EYS: variants seen among roughly 807,000 people sequenced by gnomAD.
EYS encodes the protein EGF-like photoreceptor maintenance factor.
In EYS, 250 loss-of-function variants were observed where a neutral mutation model predicts 282.1. The observed-to-expected ratio is 0.89, with a 90% confidence interval of 0.80 to 0.98. The LOEUF (loss-of-function observed/expected upper bound fraction) is 0.98. EYS is among the 50% of genes least tolerant of loss of function. The pLI is 0.00. For missense variants in EYS, 4,016 were observed against 3,709.0 expected (o/e 1.08, Z -2.15); for synonymous variants, 1,355 against 1,282.9 (o/e 1.06, Z -1.20).
chr6:64,441,302 T>C (rs752258809), intron 26 of EYS, among the ~76,000 whole-genome samples: 11 of 152,176 alleles, frequency 7.2e-5, no homozygotes, highest in Non-Finnish European at 1.3e-4. Context: ...TACACAACTC[T>C]GAATGAAAAA....
chr6:64,070,628 C>T (rs1205666616), intron 32 of EYS, among the ~76,000 whole-genome samples: 2 of 151,924 alleles, frequency 1.3e-5, no homozygotes, highest in African/African-American at 4.8e-5. Context: ...GTTAAACTGG[C>T]AACTTGTCTC....
At chr6:64,504,355 T>C (rs1777146474) in intron 26 of EYS, among the ~76,000 whole-genome samples, 1 of 152,228 alleles carries the variant, frequency 6.6e-6, no homozygotes, top group Admixed American at 6.5e-5. Context: ...ATGACACTTC[T>C]GTTATGATGA....
intron 10 of EYS, among the ~76,000 whole-genome samples, chr6:65,342,429 T>A (rs1453296279): frequency 2.0e-5 from 3 of 150,998 alleles, no homozygotes; most frequent in Non-Finnish European, 4.5e-5. Flanking sequence ...TCATAAGAAC[T>A]TAAAATGATT....
chr6:64,905,713 C>A (rs1304067764), intron 16 of EYS, among the ~76,000 whole-genome samples: 1 of 152,076 alleles, frequency 6.6e-6, no homozygotes, highest in East Asian at 1.9e-4. Context: ...CCTTTTTGCA[C>A]TTTATTGCTC....
At chr6:64,184,821 A>T (rs1338860328) in intron 31 of EYS, among the ~76,000 whole-genome samples, 1 of 152,184 alleles carries the variant, frequency 6.6e-6, no homozygotes, top group Non-Finnish European at 1.5e-5. Flanking sequence ...TAAATATAAG[A>T]TTTATGTCCA....
intron 23 of EYS, among the ~76,000 whole-genome samples, chr6:64,624,331 C>T (rs1767535164): frequency 6.6e-6 from 1 of 152,084 alleles, no homozygotes; most frequent in South Asian, 2.1e-4. Context: ...CTAGTAGTTA[C>T]AAGATACCTA....
intron 34 of EYS, among the ~76,000 whole-genome samples, chr6:63,986,822 T>C (rs1364140135): frequency 1.3e-5 from 2 of 151,504 alleles, no homozygotes; most frequent in African/African-American, 2.4e-5. Flanking sequence ...AAAATAACTA[T>C]TGGGTGCTGG....
At chr6:65,146,250 CAAGGCCA>C (rs78201728) in intron 12 of EYS, among the ~76,000 whole-genome samples, 28,817 of 151,582 alleles carry the variant, frequency 0.19, 2,952 homozygotes, top group Middle Eastern at 0.23. Context: ...ATTTTTCCCC[CAAGGCCA>C]AAGTTCAAAA....
intron 12 of EYS, among the ~76,000 whole-genome samples, chr6:65,154,510 T>C (rs1764688121): frequency 1.3e-5 from 2 of 151,746 alleles, no homozygotes; most frequent in South Asian, 2.1e-4. Context: ...ACAGATCCGA[T>C]ATAAAGTAAT....
intron 36 of EYS, among the ~76,000 whole-genome samples, chr6:63,816,723 T>C (rs779251886): frequency 6.6e-6 from 1 of 152,218 alleles, no homozygotes; most frequent in Non-Finnish European, 1.5e-5. Flanking sequence ...CATTGGCTTA[T>C]CCTAAGGCAT....
chr6:65,607,458 G>A (rs1426043075), intron 2 of EYS, among the ~76,000 whole-genome samples: 1 of 151,720 alleles, frequency 6.6e-6, no homozygotes, highest in Admixed American at 6.6e-5. Flanking sequence ...TAAGATTCCT[G>A]CTGTAACTTT....
intron 2 of EYS, among the ~76,000 whole-genome samples, chr6:65,534,942 C>T (rs1057333557): frequency 1.3e-5 from 2 of 152,130 alleles, no homozygotes; most frequent in African/African-American, 4.8e-5. Flanking sequence ...TTCAAATATT[C>T]TTTTACACGC....
intron 30 of EYS, among the ~76,000 whole-genome samples, chr6:64,256,227 ATAGCTCT>A (rs1767396137): frequency 1.3e-5 from 2 of 152,118 alleles, no homozygotes; most frequent in South Asian, 4.1e-4. Context: ...TTTTCACTAC[ATAGCTCT>A]TTTTTCCTTC....
Position 63,984,446 on chromosome 6 carries a change from A to G in EYS, c.6992T>C (p.Ile2331Thr). ...ACACCAAGGGACGTGGCAGTTCTCA[A>G]TATTCTTTCCATGTCGTGCTTCATC... is the stretch of plus-strand genomic sequence containing the variant. ...IIDEARHGKN[I>T]ENCHVPWCAH... is the part of the protein sequence containing the mutation. Residue 2331 changes from isoleucine to threonine, a missense_variant, in exon 35 of 43, where the codon ATT becomes ACT. Coordinates refer to ENST00000503581, the MANE Select transcript of EYS (RefSeq NM_001142800.2). 6.5e-7 allele frequency: 1 copy of G among 1,549,822 alleles called. No individual in the cohort carries two copies. Among genetic ancestry groups the G allele is most frequent in the Non-Finnish European group, 8.7e-7 (1 of 1,145,676 alleles).
intron 14 of EYS, among the ~76,000 whole-genome samples, chr6:64,973,997 A>G (rs963064915): frequency 1.3e-5 from 2 of 151,922 alleles, no homozygotes; most frequent in East Asian, 3.9e-4. Flanking sequence ...GAAAACATTC[A>G]TTGAGAAAGA....
intron 35 of EYS, among the ~76,000 whole-genome samples, chr6:63,872,484 T>TTTTG (rs1160855078): frequency 6.7e-6 from 1 of 148,670 alleles, no homozygotes; most frequent in Admixed American, 6.7e-5. Flanking sequence ...ATGGTTTTTT[T>TTTTG]TTTTTTTTTT....
intron 2 of EYS, among the ~76,000 whole-genome samples, chr6:65,536,324 ATT>A (rs71864647): frequency 0.039 from 5,764 of 145,944 alleles, 382 homozygotes; most frequent in African/African-American, 0.13. Context: ...AGTAGCAGAG[ATT>A]TTTTTTTTTT....
chr6:65,696,075 T>A (rs201993298), intron 1 of EYS, among the ~76,000 whole-genome samples: 1 of 152,100 alleles, frequency 6.6e-6, no homozygotes, highest in East Asian at 1.9e-4. Context: ...TCTTTCCTAC[T>A]CAGCAATCCT....
At chr6:65,442,552 G>A (rs1768375402) in intron 5 of EYS, among the ~76,000 whole-genome samples, 1 of 151,782 alleles carries the variant, frequency 6.6e-6, no homozygotes, top group African/African-American at 2.4e-5. Context: ...AGGAGATTGA[G>A]ACCATCCTGG....
Sources: allele counts gnomAD v4.1 joint callset (sites outside exome capture counted in the v4.1 genomes callset), GRCh38; gene constraint gnomAD v4.1.1; transcripts MANE v1.5; gene names NCBI Gene and HGNC (gene_info 2026-07-23, HGNC 2026-07-21).